LRRC4C: variants seen among roughly 807,000 people sequenced by gnomAD.
The protein encoded by LRRC4C is leucine rich repeat containing 4C.
LRRC4C carries 5 observed loss-of-function variants against 33.6 expected under a neutral mutation model. The observed-to-expected ratio is 0.15, with a 90% CI of 0.08 to 0.31. LRRC4C has a LOEUF of 0.31. Ranked by LOEUF, LRRC4C falls within the 10% of genes least tolerant of loss-of-function variation. The pLI is 1.00. For synonymous variants in LRRC4C, 329 were observed against 302.0 expected, an observed-to-expected ratio of 1.09 and a Z score of -0.93; for missense variants, 560 against 796.7, an observed-to-expected ratio of 0.70 and a Z score of 3.58.
At chr11:40,829,727 C>G (rs1952325438) in intron 2 of LRRC4C, among the ~76,000 whole-genome samples, 2 of 151,952 alleles carry the variant, frequency 1.3e-5, no homozygotes, top group Non-Finnish European at 2.9e-5. Context: ...TAATATTTCT[C>G]CATAATATTT....
At chr11:40,218,988 G>A (rs1864207350) in intron 5 of LRRC4C, among the ~76,000 whole-genome samples, 1 of 151,958 alleles carries the variant, frequency 6.6e-6, no homozygotes, top group Non-Finnish European at 1.5e-5. Context: ...ACCTCTTTTT[G>A]TTATTTGCTC....
At position 40,542,188 on chromosome 11, in the gene LRRC4C, G is replaced by C. The variant is rs72885124; in HGVS notation, c.-270+105954C>G. Among the ~76,000 whole-genome samples, 542 of 151,146 alleles carry C rather than the reference G, an allele frequency of 3.6e-3. 2 individuals are homozygous for C. The highest frequency in any genetic ancestry group is 6.0e-3 in the Non-Finnish European group (404 of 67,796). ...GAAACTTACTTAAATCCTATATTTT[G>C]TTCTTGCATTTATAAAACAGAATCA... On this transcript the variant is annotated intron_variant, in intron 3 of 6. Coordinates refer to ENST00000528697, the MANE Select transcript of LRRC4C (RefSeq NM_001258419.2).
Position 40,115,270 on chromosome 11 carries a change from A to C in LRRC4C, c.1023T>G (p.Ile341Met), listed in dbSNP as rs1347752379. The change falls in exon 7 of 7, where the codon ATT becomes ATG. Residue 341 changes from isoleucine (I) to methionine (M), a missense_variant. Ile to Met is a conservative substitution (Grantham distance 10). This residue lies in a region of LRRC4C where 455 missense variants were observed against 643.8 expected (regional missense o/e 0.71). Coordinates refer to ENST00000528697, the MANE Select transcript of LRRC4C (RefSeq NM_001258419.2). The surrounding 1 kb of genome is among the most constrained non-coding windows in gnomAD (Gnocchi z 6.7). ...TGAAGTAATTCTGGTCGAGCTCTCCAATGTACCTCCCCTTTAGATTGGGAG... is the reference window on the plus strand; with the variant it reads ...TGAAGTAATTCTGGTCGAGCTCTCCCATGTACCTCCCCTTTAGATTGGGAG... ...NTPPNLKGRY[I>M]GELDQNYFTC... The C allele has an allele frequency of 6.2e-7, 1 of 1,613,970 alleles. No homozygotes were observed. The highest frequency in any genetic ancestry group is 8.5e-7 in the Non-Finnish European group (1 of 1,180,022).
intron 1 of LRRC4C, among the ~76,000 whole-genome samples, chr11:41,114,482 G>C (rs918469077): frequency 6.6e-6 from 1 of 151,920 alleles, no homozygotes; most frequent in Non-Finnish European, 1.5e-5. Flanking sequence ...GTGTATACCT[G>C]CTCAATCTCA....
At chr11:40,945,918 T>A (rs1958377678) in intron 1 of LRRC4C, among the ~76,000 whole-genome samples, 1 of 152,198 alleles carries the variant, frequency 6.6e-6, no homozygotes, top group Admixed American at 6.5e-5. Context: ...TTTTTTAGTC[T>A]CAGGTTTAAA....
intron 5 of LRRC4C, among the ~76,000 whole-genome samples, chr11:40,214,626 C>G (rs148062466): frequency 1.3e-5 from 2 of 152,276 alleles, no homozygotes; most frequent in East Asian, 3.9e-4. Flanking sequence ...AGCTCACTCT[C>G]TCCCTGCTGT....
At chr11:40,579,681 C>G (rs1958379858) in intron 3 of LRRC4C, among the ~76,000 whole-genome samples, 1 of 152,126 alleles carries the variant, frequency 6.6e-6, no homozygotes, top group South Asian at 2.1e-4. Flanking sequence ...CGTGTTTGTA[C>G]AAGCTGGCTC....
rs546168923 is a variant in LRRC4C, at chr11:41,383,354, G to A, written c.-496+76077C>T. On this transcript the variant is annotated intron_variant, in intron 1 of 6. Coordinates refer to ENST00000528697, the MANE Select transcript of LRRC4C (RefSeq NM_001258419.2). ...CAACTTTTTGTTTCTTTAATCTTAA[G>A]GTCAATCTTAGTTGTGGAAGCGGTA... Among the ~76,000 whole-genome samples, 3 of 152,104 alleles carry A rather than the reference G, an allele frequency of 2.0e-5. No individual in the cohort carries two copies. In the South Asian group the frequency reaches 6.2e-4, roughly 32 times the overall value.
At chr11:40,822,732 A>C (rs72898790) in intron 2 of LRRC4C, among the ~76,000 whole-genome samples, 3,439 of 151,558 alleles carry the variant, frequency 0.023, 47 homozygotes, top group Middle Eastern at 0.037. Context: ...GTCTTACCCC[A>C]AAAAAATTTG....
At chr11:40,828,512 G>A (rs373142143) in intron 2 of LRRC4C, among the ~76,000 whole-genome samples, 91 of 151,850 alleles carry the variant, frequency 6.0e-4, no homozygotes, top group African/African-American at 2.1e-3. Flanking sequence ...TTTAGTCTTT[G>A]ACTTACATGG....
intron 4 of LRRC4C, among the ~76,000 whole-genome samples, chr11:40,248,710 A>G (rs918662404): frequency 1.2e-4 from 18 of 152,248 alleles, no homozygotes; most frequent in Non-Finnish European, 1.8e-4. Context: ...TGAAAAATGA[A>G]AAAAGAGTAG....
intron 3 of LRRC4C, among the ~76,000 whole-genome samples, chr11:40,521,560 C>A (rs1157184655): frequency 6.6e-6 from 1 of 152,058 alleles, no homozygotes; most frequent in African/African-American, 2.4e-5. Context: ...GGTCATTAGC[C>A]TCAGAAAATG....
intron 1 of LRRC4C, among the ~76,000 whole-genome samples, chr11:41,416,400 AC>A (rs1954682324): frequency 6.6e-6 from 1 of 152,062 alleles, no homozygotes; most frequent in African/African-American, 2.4e-5. Context: ...GGGTAAATGC[AC>A]AAAGTCCTAA....
chr11:41,229,860 T>G (rs531159643), intron 1 of LRRC4C, among the ~76,000 whole-genome samples: 1 of 152,220 alleles, frequency 6.6e-6, no homozygotes, highest in South Asian at 2.1e-4. Flanking sequence ...TTACCTTGAA[T>G]TTCTCCTTCA....
chr11:40,876,002 G>T (rs963806335), intron 2 of LRRC4C, among the ~76,000 whole-genome samples: 3 of 152,042 alleles, frequency 2.0e-5, no homozygotes, highest in Non-Finnish European at 2.9e-5. Context: ...TTTGGTTGCT[G>T]TCACTGTAGA....
intron 2 of LRRC4C, among the ~76,000 whole-genome samples, chr11:40,792,650 G>T (rs1950672362): frequency 6.6e-6 from 1 of 151,984 alleles, no homozygotes; most frequent in African/African-American, 2.4e-5. Context: ...TATACCCAAA[G>T]GATTATAAAT....
intron 1 of LRRC4C, among the ~76,000 whole-genome samples, chr11:41,404,564 C>CACACACACACACA (rs375465500): frequency 6.4e-5 from 6 of 94,088 alleles, no homozygotes; most frequent in Non-Finnish European, 8.9e-5. Flanking sequence ...ACACACACAC[C>CACACACACACACA]CCCCGAGGTT....
chr11:40,354,440 C>T (rs1947562155), intron 3 of LRRC4C, among the ~76,000 whole-genome samples: 1 of 152,174 alleles, frequency 6.6e-6, no homozygotes, highest in South Asian at 2.1e-4. Context: ...TCCCTGCTGG[C>T]CCAGGTTAGA....
At chr11:40,679,161 T>G (rs1944555755) in intron 2 of LRRC4C, among the ~76,000 whole-genome samples, 1 of 152,178 alleles carries the variant, frequency 6.6e-6, no homozygotes, top group South Asian at 2.1e-4. Context: ...GCGCTATAGA[T>G]TTGTGGAACT....
Sources: allele counts gnomAD v4.1 joint callset (sites outside exome capture counted in the v4.1 genomes callset), GRCh38; gene constraint gnomAD v4.1.1; regional missense constraint gnomAD v4.1.1; non-coding constraint Gnocchi (gnomAD v3.1); transcripts MANE v1.5; gene names NCBI Gene and HGNC (gene_info 2026-07-23, HGNC 2026-07-21).